Variants in RAPGEF6 observed in about 807,000 individuals in gnomAD.
The protein encoded by RAPGEF6 is PDZ domain containing guanine nucleotide exchange factor (GEF) 2.
RAPGEF6 carries 56 observed loss-of-function variants against 171.4 expected under a neutral mutation model. The observed-to-expected ratio is 0.33, with a 90% confidence interval of 0.26 to 0.41. The LOEUF is 0.41. Ranked by LOEUF, RAPGEF6 falls within the 10% of genes least tolerant of loss-of-function variation. The pLI, the probability that RAPGEF6 is intolerant of heterozygous loss-of-function variation, is 1.00. For synonymous variants in RAPGEF6, 692 were observed against 650.1 expected (o/e 1.06, Z -0.98); for missense variants, 1,674 against 1,921.4 (o/e 0.87, Z 2.41).
At chr5:131,559,498 CATTCTTACATTAAATA>C (rs1761455448) in intron 5 of RAPGEF6, among the ~76,000 whole-genome samples, 2 of 151,908 alleles carry the variant, frequency 1.3e-5, no homozygotes, top group Non-Finnish European at 2.9e-5. Context: ...TATACAGTAC[CATTCTTACATTAAATA>C]ATGCTTCTTG....
chr5:131,599,940 T>C (rs998868825), intron 3 of RAPGEF6, among the ~76,000 whole-genome samples: 1 of 152,206 alleles, frequency 6.6e-6, no homozygotes, highest in African/African-American at 2.4e-5. Context: ...AAAAAGTTCA[T>C]GGATAAAGTC....
intron 15 of RAPGEF6, among the ~76,000 whole-genome samples, chr5:131,486,505 TCTG>T (rs1264901975): frequency 3.9e-5 from 6 of 152,230 alleles, no homozygotes; most frequent in Non-Finnish European, 8.8e-5. Context: ...TGGGATATTC[TCTG>T]CTATTATTTC....
At chr5:131,618,844 G>A (rs1171385327) in intron 1 of RAPGEF6, among the ~76,000 whole-genome samples, 3 of 151,990 alleles carry the variant, frequency 2.0e-5, no homozygotes, top group African/African-American at 7.3e-5. Context: ...ATCCTATTTA[G>A]TATGCCCAAT....
intron 4 of RAPGEF6, among the ~76,000 whole-genome samples, chr5:131,565,092 T>C (rs973155797): frequency 2.0e-5 from 3 of 152,166 alleles, no homozygotes; most frequent in Admixed American, 2.0e-4. Context: ...CTCTCAACTA[T>C]TTGAGTTCCT....
At chr5:131,526,945 G>A (rs968391227) in intron 6 of RAPGEF6, among the ~76,000 whole-genome samples, 1 of 152,144 alleles carries the variant, frequency 6.6e-6, no homozygotes, top group African/African-American at 2.4e-5. Context: ...TATATAGAGG[G>A]GGGTGGGGAA....
At chr5:131,437,338 A>C (rs1201888287) in intron 24 of RAPGEF6, among the ~76,000 whole-genome samples, 1 of 150,190 alleles carries the variant, frequency 6.7e-6, no homozygotes, top group Admixed American at 6.6e-5. Context: ...AATAAGAGCA[A>C]TGGAGGAATT....
chr5:131,429,382 A>C (rs1283677660), intron 26 of RAPGEF6, among the ~76,000 whole-genome samples, 166 bp from the exon 27 acceptor site: 10 of 152,250 alleles, frequency 6.6e-5, no homozygotes, highest in Non-Finnish European at 2.9e-5. Flanking sequence ...TTTAATAAAC[A>C]AACCTCTTTT....
intron 11 of RAPGEF6, among the ~76,000 whole-genome samples, chr5:131,504,053 T>C (rs534119277): frequency 3.3e-5 from 5 of 152,200 alleles, no homozygotes; most frequent in Non-Finnish European, 7.3e-5. Flanking sequence ...CCGCTCTCAG[T>C]GGCATACAAT....
At chr5:131,482,274 G>GTA (rs914898336) in intron 15 of RAPGEF6, among the ~76,000 whole-genome samples, 1 of 61,264 alleles carries the variant, frequency 1.6e-5, no homozygotes, top group African/African-American at 6.7e-5. Flanking sequence ...ACACGTGTGT[G>GTA]TATGTGTGTG....
intron 16 of RAPGEF6, among the ~76,000 whole-genome samples, chr5:131,473,720 G>T (rs930860440): frequency 3.3e-5 from 5 of 152,074 alleles, no homozygotes; most frequent in African/African-American, 1.2e-4. Flanking sequence ...TCATGAAAAA[G>T]ATTAAAGTAT....
chr5:131,424,038 A>G lies in RAPGEF6; in HGVS notation c.*3228T>C, dbSNP rs767581826. 2.0e-5 allele frequency: 3 copies of G among 152,394 alleles called. No individual in the cohort carries two copies. The highest frequency in any genetic ancestry group is 2.9e-5 in the Non-Finnish European group (2 of 68,044). The allele number at this position is 152,394 out of a possible 1,614,324, so 9.4% of individuals were successfully genotyped here. A position where few individuals can be genotyped will look rare whatever the true frequency, so the allele number is the denominator to read the frequency against. On this transcript the variant is annotated 3_prime_UTR_variant, in exon 28 of 28. Transcript: ENST00000509018. ...AAATATTTACACTCAGTAAAAATAC[A>G]AAAAGCATACAGAGGCACTGTCTTT... is the stretch of plus-strand genomic sequence containing the variant.
chr5:131,587,702 T>C (rs1040578663), intron 4 of RAPGEF6, among the ~76,000 whole-genome samples: 1 of 152,130 alleles, frequency 6.6e-6, no homozygotes, highest in African/African-American at 2.4e-5. Flanking sequence ...CTTGCCCCTC[T>C]TTCTCCCTCA....
chr5:131,487,885 G>A (rs1002448360), intron 15 of RAPGEF6, among the ~76,000 whole-genome samples: 2 of 152,134 alleles, frequency 1.3e-5, no homozygotes, highest in African/African-American at 2.4e-5. Context: ...CACATCTAGA[G>A]TAAAATGCTC....
chr5:131,491,291 A>T (rs912486134), intron 14 of RAPGEF6, among the ~76,000 whole-genome samples: 2 of 152,296 alleles, frequency 1.3e-5, no homozygotes, highest in Middle Eastern at 3.4e-3. Context: ...ATAATAAAAA[A>T]TATCTGCAGA....
chr5:131,465,150 T>C (rs969074282), intron 17 of RAPGEF6, among the ~76,000 whole-genome samples: 19 of 152,102 alleles, frequency 1.2e-4, no homozygotes, highest in African/African-American at 4.1e-4. Context: ...AAGTGGAAAA[T>C]GTTAGTTTCC....
intron 4 of RAPGEF6, among the ~76,000 whole-genome samples, chr5:131,569,886 A>G (rs573858878): frequency 1.8e-4 from 27 of 151,916 alleles, no homozygotes; most frequent in Non-Finnish European, 3.4e-4. Context: ...TACTAAAAAT[A>G]GAAAAATTAG....
chr5:131,532,615 A>G (rs1397745516), intron 6 of RAPGEF6, among the ~76,000 whole-genome samples: 1 of 152,160 alleles, frequency 6.6e-6, no homozygotes, highest in Non-Finnish European at 1.5e-5. Context: ...CTGCATCAAA[A>G]GCAAACATTG....
intron 3 of RAPGEF6, among the ~76,000 whole-genome samples, chr5:131,600,878 T>G (rs1210125732): frequency 6.6e-6 from 1 of 151,944 alleles, no homozygotes; most frequent in Non-Finnish European, 1.5e-5. Context: ...AAGATTTGAT[T>G]TTTTTTAAAA....
chr5:131,457,168 T>A (rs1354315647), intron 19 of RAPGEF6, among the ~76,000 whole-genome samples: 1 of 152,212 alleles, frequency 6.6e-6, no homozygotes, highest in Admixed American at 6.5e-5. Flanking sequence ...GTCAAGTGAT[T>A]CTTGTGCATC....
Sources: gnomAD v4.1 joint callset for allele counts (sites outside exome capture counted in the v4.1 genomes callset) on GRCh38, gnomAD v4.1.1 for gene constraint, MANE v1.5 for transcripts, NCBI Gene and HGNC (gene_info 2026-07-23, HGNC 2026-07-21) for gene names.